XKRX: variants seen among roughly 807,000 people sequenced by gnomAD.
XKRX encodes the protein XK related X-linked.
A neutral mutation model predicts 22.4 loss-of-function variants in XKRX; 11 were observed. The observed-to-expected ratio is 0.49, with a 90% CI of 0.31 to 0.81. The LOEUF (loss-of-function observed/expected upper bound fraction) is 0.81. Among genes scored for constraint, XKRX ranks in the 40% least tolerant of loss-of-function variants. The pLI, the probability that XKRX is intolerant of heterozygous loss-of-function variation, is 0.05. For synonymous variants in XKRX, 114 were observed against 132.2 expected (o/e 0.86, Z 0.94); for missense variants, 320 against 336.5 (o/e 0.95, Z 0.38).
At position 100,928,695 on chromosome X, in the gene XKRX, G is replaced by A. The variant is rs1369985064; in HGVS notation, c.-391C>T. 3 of 782,980 alleles carry A rather than the reference G, an allele frequency of 3.8e-6. No individual in the cohort carries two copies. The highest frequency in any genetic ancestry group is 4.5e-6 in the Non-Finnish European group (3 of 659,499). 64.5% of individuals were successfully genotyped at this position (782,980 alleles called of 1,213,427 possible). ...GCTCCTTTCGCAGCCCCTCAGGCAG[G>A]GTGTAGCCGATCTGTCGGGGGCACC... is the stretch of plus-strand genomic sequence containing the variant. On this transcript the variant is annotated 5_prime_UTR_variant, in exon 1 of 3. Coordinates refer to ENST00000372956, the MANE Select transcript of XKRX (RefSeq NM_212559.3).
chrX:100,914,308 A>G lies in XKRX; in HGVS notation c.*30T>C, dbSNP rs758067194. ...TTCATGGTTACTCTTGGCAACTCCC[A>G]ACTCTTCCTAAAATACCCAGAAAAT... On this transcript the variant is annotated 3_prime_UTR_variant, in exon 3 of 3. Transcript: ENST00000372956. 23 of 1,193,210 alleles carry G rather than the reference A, an allele frequency of 1.9e-5. No individual in the cohort carries two copies. In the South Asian group the frequency reaches 4.1e-4, roughly 21 times the overall value.
chrX:100,900,280 C>T, the XKRX span, among the ~76,000 whole-genome samples: 3 of 110,011 alleles, frequency 2.7e-5, no homozygotes, highest in African/African-American at 6.6e-5. Flanking sequence ...AGGCTGGTCT[C>T]GAACTCCTAG....
chrX:100,943,387 T>G, the XKRX span, among the ~76,000 whole-genome samples: 1 of 111,715 alleles, frequency 9.0e-6, no homozygotes, highest in Non-Finnish European at 1.9e-5. Context: ...TGTGTTTTTG[T>G]GTGTTTTTTG....
In XKRX at chrX:100,928,312, G is replaced by A. The variant is rs1221972710; in HGVS notation, c.-8C>T. On this transcript the variant is annotated 5_prime_UTR_variant, in exon 1 of 3. Coordinates refer to ENST00000372956, the MANE Select transcript of XKRX (RefSeq NM_212559.3). ...TTCATAAACTCTGTCCATTGTCGAG[G>A]TTCTTTCTGAATGTTGTGGTCTTGT... 1 of 1,206,058 alleles carries A rather than the reference G, an allele frequency of 8.3e-7. No homozygotes were observed.
chrX:100,952,031 T>C, the XKRX span, among the ~76,000 whole-genome samples: 2 of 110,467 alleles, frequency 1.8e-5, no homozygotes, highest in Admixed American at 2.0e-4. Context: ...CCAACTGATT[T>C]TATGAGGCCA....
chrX:100,943,792 A>T, the XKRX span, among the ~76,000 whole-genome samples: 1 of 112,156 alleles, frequency 8.9e-6, no homozygotes, highest in African/African-American at 3.2e-5. Flanking sequence ...ATGGAATCCC[A>T]TCAGATGAAT....
At chrX:100,925,807 G>A (rs2085495418) in intron 1 of XKRX, among the ~76,000 whole-genome samples, 1 of 112,085 alleles carries the variant, frequency 8.9e-6, no homozygotes, top group Admixed American at 9.5e-5. Flanking sequence ...GTCCAAAGAT[G>A]CATATAGGCC....
the XKRX span, among the ~76,000 whole-genome samples, chrX:100,936,185 ACATT>A: frequency 9.0e-6 from 1 of 111,163 alleles, no homozygotes; most frequent in Non-Finnish European, 1.9e-5. Context: ...AGTGACAAAA[ACATT>A]CAATCACAAT....
chrX:100,952,851 T>C, the XKRX span, among the ~76,000 whole-genome samples: 1 of 112,366 alleles, frequency 8.9e-6, no homozygotes, highest in Non-Finnish European at 1.9e-5. Flanking sequence ...AGGAGGATCT[T>C]TGTGGTTACA....
At chrX:100,937,575 A>G in the XKRX span, among the ~76,000 whole-genome samples, 2 of 111,768 alleles carry the variant, frequency 1.8e-5, no homozygotes, top group East Asian at 5.6e-4. Flanking sequence ...GGATAGCTCT[A>G]CAGTCTACTC....
upstream of XKRX, among the ~76,000 whole-genome samples, chrX:100,930,948 A>G (rs1310935939): frequency 9.1e-6 from 1 of 109,683 alleles, no homozygotes; most frequent in Non-Finnish European, 1.9e-5. Flanking sequence ...CCTGACCAAC[A>G]TGGTGAAATC....
chrX:100,945,269 C>CAT, the XKRX span, among the ~76,000 whole-genome samples: 93 of 83,998 alleles, frequency 1.1e-3, no homozygotes, highest in Non-Finnish European at 1.8e-3. Flanking sequence ...CACACACACA[C>CAT]ACACACACAC....
chrX:100,914,552 C>G lies in XKRX; in HGVS notation c.1136G>C (p.Cys379Ser). 8.3e-7 allele frequency: 1 copy of G among 1,211,650 alleles called. No individual in the cohort carries two copies. Residue 379 changes from cysteine to serine, a missense_variant, in exon 3 of 3, where the codon TGT becomes TCT. Cys to Ser is a moderately radical substitution (Grantham distance 112, BLOSUM62 -1). Coordinates refer to ENST00000372956, the MANE Select transcript of XKRX (RefSeq NM_212559.3). ...GAGCTGCAAGGCAATCAAGGAATGA[C>G]AGTAATTCAGTAACACTTTCACTCC... ...FFGVKVLLNY[C>S]HSLIALQLII...
chrX:100,921,824 CTTTTTT>C (rs769704465), intron 2 of XKRX, among the ~76,000 whole-genome samples: 1 of 56,358 alleles, frequency 1.8e-5, no homozygotes, highest in Non-Finnish European at 3.1e-5. Flanking sequence ...TAACCCCACG[CTTTTTT>C]TTTTTTTTTT....
At chrX:100,908,768 A>G (rs2085397030), downstream of XKRX, among the ~76,000 whole-genome samples, 1 of 111,796 alleles carries the variant, frequency 8.9e-6, no homozygotes, top group Non-Finnish European at 1.9e-5. Context: ...GCTTAGATGG[A>G]AAGTCCTGGT....
the XKRX span, among the ~76,000 whole-genome samples, chrX:100,944,316 A>G: frequency 2.8e-4 from 31 of 112,164 alleles, no homozygotes; most frequent in African/African-American, 1.0e-3. Context: ...GAGGGTGGGA[A>G]GTGAACACTA....
At chrX:100,904,599 A>G in the XKRX span, among the ~76,000 whole-genome samples, 2 of 112,258 alleles carry the variant, frequency 1.8e-5, no homozygotes, top group South Asian at 3.7e-4. Flanking sequence ...CCCTAAGCAC[A>G]TGATTCTTCC....
the XKRX span, among the ~76,000 whole-genome samples, chrX:100,898,472 C>G: frequency 1.8e-5 from 2 of 108,972 alleles, no homozygotes; most frequent in Non-Finnish European, 3.8e-5. Flanking sequence ...TCACAGCAGC[C>G]TTGGCAAGAG....
the XKRX span, among the ~76,000 whole-genome samples, chrX:100,899,246 G>C: frequency 1.8e-5 from 2 of 113,145 alleles, no homozygotes; most frequent in African/African-American, 6.4e-5. Context: ...CGGGCGTGGT[G>C]GCTCATGCCT....
Sources: allele counts gnomAD v4.1 joint callset (sites outside exome capture counted in the v4.1 genomes callset), GRCh38; gene constraint gnomAD v4.1.1; transcripts MANE v1.5; gene names NCBI Gene and HGNC (gene_info 2026-07-23, HGNC 2026-07-21).